The following NCOR2 variants were observed in gnomAD, a reference collection of about 807,000 sequenced individuals.
The protein encoded by NCOR2 is nuclear receptor corepressor 2.
Under a neutral mutation model 262.9 loss-of-function variants are expected in NCOR2, and 81 were observed. The observed-to-expected ratio is 0.31, with a 90% confidence interval of 0.26 to 0.37. The LOEUF is 0.37. NCOR2 is among the 10% of genes least tolerant of loss of function. The pLI is 1.00. For synonymous variants in NCOR2, 1,659 were observed against 1,559.3 expected (o/e 1.06, Z -1.51); for missense variants, 3,385 against 3,621.4 (o/e 0.93, Z 1.68).
intron 5 of NCOR2, among the ~76,000 whole-genome samples, 189 bp downstream of exon 7, chr12:124,465,984 G>T (rs1267737302): frequency 6.6e-6 from 1 of 152,158 alleles, no homozygotes; most frequent in African/African-American, 2.4e-5. Context: ...CAGCCCAGAG[G>T]CCACACCAGG....
chr12:124,361,769 A>G (rs964182324), intron 22 of NCOR2, among the ~76,000 whole-genome samples: 2 of 152,190 alleles, frequency 1.3e-5, no homozygotes, highest in African/African-American at 2.4e-5. Context: ...GCGTGTTCAC[A>G]ATGCTTTTGA....
At chr12:124,398,730 A>G (rs146435522) in intron 15 of NCOR2, among the ~76,000 whole-genome samples, 175 of 152,332 alleles carry the variant, frequency 1.1e-3, no homozygotes, top group African/African-American at 4.1e-3. Flanking sequence ...CCCTACTCCA[A>G]TTGTGACCAT....
chr12:124,400,438 T>A, intron 15 of NCOR2, 63 bp downstream of exon 17: 1 of 1,573,208 alleles, frequency 6.4e-7, no homozygotes, highest in Middle Eastern at 2.2e-4. Flanking sequence ...GAAACTTTCA[T>A]ATGAGCGCAA....
chr12:124,417,138 C>T (rs1256965437), intron 13 of NCOR2, among the ~76,000 whole-genome samples: 4 of 151,066 alleles, frequency 2.6e-5, no homozygotes, highest in East Asian at 1.9e-4. Context: ...GCAGACCAGA[C>T]ACTCACTCCA....
chr12:124,383,632 A>G (rs116248192), intron 17 of NCOR2: 3,359 of 205,466 alleles, frequency 0.016, 138 homozygotes, highest in African/African-American at 0.073. Context: ...TAACTAGGGC[A>G]CGTCGCCCTC....
In NCOR2 at chr12:124,457,406, G is replaced by A. The variant is rs1207509390; in HGVS notation, c.706-244C>T. ...GCCAAGTTTCGATTTTAGCAAATGCGCCGGGTCCACTGAAGCCTGCTCCCC... is the reference window on the plus strand; with the variant it reads ...GCCAAGTTTCGATTTTAGCAAATGCACCGGGTCCACTGAAGCCTGCTCCCC... On this transcript the variant is annotated intron_variant, in intron 5 of 46. Coordinates refer to ENST00000405201, the Ensembl canonical transcript of NCOR2. The surrounding 1 kb of genome is among the most constrained non-coding windows in gnomAD (Gnocchi z 4.0). Among the ~76,000 whole-genome samples the A allele has an allele frequency of 1.3e-5, 2 of 151,934 alleles. No homozygotes were observed. Among genetic ancestry groups the A allele is most frequent in the African/African-American group, 4.8e-5 (2 of 41,362 alleles).
At chr12:124,420,343 T>C (rs974415393) in intron 12 of NCOR2, among the ~76,000 whole-genome samples, 1 of 152,222 alleles carries the variant, frequency 6.6e-6, no homozygotes, top group Non-Finnish European at 1.5e-5. Flanking sequence ...TTTCCTGTTA[T>C]CACAGTCACC....
At chr12:124,410,853 C>T (rs1007430931) in intron 13 of NCOR2, among the ~76,000 whole-genome samples, 12 of 152,092 alleles carry the variant, frequency 7.9e-5, no homozygotes, top group Admixed American at 7.9e-4. Context: ...GTCCGAGTGC[C>T]ACAGCAAGGG....
chr12:124,461,754 C>T (rs57120980), intron 5 of NCOR2, among the ~76,000 whole-genome samples: 3 of 152,350 alleles, frequency 2.0e-5, no homozygotes, highest in East Asian at 1.9e-4. Flanking sequence ...TGAACACATG[C>T]GTATGCACAC....
intron 1 of NCOR2, among the ~76,000 whole-genome samples, chr12:124,489,055 T>C (rs2047933731): frequency 6.6e-6 from 1 of 151,744 alleles, no homozygotes; most frequent in African/African-American, 2.4e-5. Context: ...TTGAAGCAGG[T>C]CACCAGGGTT....
At chr12:124,393,135 T>C (rs1158471493) in intron 16 of NCOR2, among the ~76,000 whole-genome samples, 1 of 152,176 alleles carries the variant, frequency 6.6e-6, no homozygotes, top group Non-Finnish European at 1.5e-5. Context: ...CAGCAGAGCC[T>C]CGGGCCTCTC....
At chr12:124,475,641 C>A (rs1317779762) in intron 3 of NCOR2, among the ~76,000 whole-genome samples, 1 of 152,262 alleles carries the variant, frequency 6.6e-6, no homozygotes, top group Non-Finnish European at 1.5e-5. Flanking sequence ...ACACTGAGGG[C>A]CAGATTTGGA....
At chr12:124,346,574 G>A in exon 31 of NCOR2, 2 of 1,557,144 alleles carry the variant, frequency 1.3e-6, no homozygotes, top group Admixed American at 1.8e-5. Context: ...CTGCGTGATG[G>A]AGCCCTCCTT....
chr12:124,513,845 G>C (rs1200584396), intron 1 of NCOR2: 4 of 152,158 alleles, frequency 2.6e-5, no homozygotes, highest in African/African-American at 9.7e-5. Flanking sequence ...ATGCTTGGTG[G>C]GTACCCCAGT....
chr12:124,520,611 T>C (rs1247028699), intron 1 of NCOR2, among the ~76,000 whole-genome samples: 1 of 151,980 alleles, frequency 6.6e-6, no homozygotes, highest in Non-Finnish European at 1.5e-5. Flanking sequence ...CGCAGCAAAT[T>C]GTTTGTTGAG....
At chr12:124,353,198 A>G (rs969625658) in intron 27 of NCOR2, among the ~76,000 whole-genome samples, 4 of 152,228 alleles carry the variant, frequency 2.6e-5, no homozygotes, top group African/African-American at 9.6e-5. Context: ...AAAGGTCCCT[A>G]CGACTTCAGG....
At chr12:124,554,554 C>G (rs1336050843) in intron 1 of NCOR2, among the ~76,000 whole-genome samples, 1 of 152,262 alleles carries the variant, frequency 6.6e-6, no homozygotes, top group African/African-American at 2.4e-5. Context: ...CCAAGCACCC[C>G]CAGGCACTCC....
intron 17 of NCOR2, among the ~76,000 whole-genome samples, chr12:124,382,640 C>G (rs2136094979): frequency 6.6e-6 from 1 of 152,346 alleles, no homozygotes; most frequent in Admixed American, 6.5e-5. Flanking sequence ...CCCCCACTCC[C>G]TCCACGGTCC....
intron 1 of NCOR2, among the ~76,000 whole-genome samples, chr12:124,509,236 G>T (rs867112677): frequency 0.033 from 795 of 24,386 alleles, 96 homozygotes; most frequent in African/African-American, 0.1. Flanking sequence ...TGGCTTTGGT[G>T]GGGGGGGGGG....
Sources: gnomAD v4.1 joint callset for allele counts (sites outside exome capture counted in the v4.1 genomes callset) on GRCh38, gnomAD v4.1.1 for gene constraint, Gnocchi (gnomAD v3.1) non-coding constraint, MANE v1.5 for transcripts, NCBI Gene and HGNC (gene_info 2026-07-23, HGNC 2026-07-21) for gene names.